Variants in CYP2C18 observed in about 807,000 individuals in gnomAD.
CYP2C18 encodes cytochrome P450 family 2 subfamily C member 18, also known as cytochrome P450 2C18.
A neutral mutation model predicts 41.3 loss-of-function variants in CYP2C18; 38 were observed. That is an observed-to-expected ratio of 0.92 (90% CI 0.71 to 1.21). The LOEUF (loss-of-function observed/expected upper bound fraction) is 1.21. Ranked by LOEUF, CYP2C18 falls within the 50% of genes most tolerant of loss-of-function variation. CYP2C18 has a pLI of 0.00. For synonymous variants in CYP2C18, 236 were observed against 210.0 expected, an observed-to-expected ratio of 1.12 and a Z score of -1.07; for missense variants, 635 against 591.4, an observed-to-expected ratio of 1.07 and a Z score of -0.77.
At chr10:94,705,749 G>T (rs1384392585) in intron 4 of CYP2C18, among the ~76,000 whole-genome samples, 1 of 152,138 alleles carries the variant, frequency 6.6e-6, no homozygotes, top group Non-Finnish European at 1.5e-5. Flanking sequence ...GAACACTACA[G>T]CTTGCCCATA....
rs142675584 is a variant in CYP2C18, at chr10:94,694,816, G to A, written c.482-101G>A. ...TGTTGATAAGAGAATTTCTAGGTAG[G>A]TATTGGTTTAGAGTTTCTAAAAATA... On this transcript the variant is annotated intron_variant, in intron 3 of 8. Transcript: ENST00000285979. 5 of 1,268,122 alleles carry A rather than the reference G, an allele frequency of 3.9e-6. No homozygotes were observed. The African/African-American group carries it at 7.7e-5, about 19-fold the overall frequency. 78.6% of individuals were successfully genotyped at this position (1,268,122 alleles called of 1,614,324 possible). A position where few individuals can be genotyped will look rare whatever the true frequency, so the allele number is the denominator to read the frequency against.
At chr10:94,719,919 C>T (rs898231932) in intron 5 of CYP2C18, among the ~76,000 whole-genome samples, 9 of 151,844 alleles carry the variant, frequency 5.9e-5, no homozygotes, top group Admixed American at 5.9e-4. Flanking sequence ...CACTTGTTGC[C>T]CAGGCTGGTG....
At chr10:94,693,537 C>G (rs1013914711) in intron 3 of CYP2C18, among the ~76,000 whole-genome samples, 1 of 152,134 alleles carries the variant, frequency 6.6e-6, no homozygotes, top group Non-Finnish European at 1.5e-5. Flanking sequence ...GACCAGAAAC[C>G]AGATTTTCAC....
chr10:94,710,921 T>G (rs1272704897), intron 5 of CYP2C18, among the ~76,000 whole-genome samples: 1 of 152,224 alleles, frequency 6.6e-6, no homozygotes, highest in Admixed American at 6.5e-5. Context: ...TGTTAATTAC[T>G]CCCTATAGTC....
chr10:94,688,651 T>C (rs1021154751), intron 3 of CYP2C18, among the ~76,000 whole-genome samples: 3 of 152,200 alleles, frequency 2.0e-5, no homozygotes, highest in African/African-American at 7.2e-5. Flanking sequence ...TTTGTGCACC[T>C]ATGCTTGTTG....
Position 94,735,771 on chromosome 10 carries a change from T to C in CYP2C18, c.*327T>C. ...TAATAAATGACAATTCAGAGCCATT[T>C]ATTCTCTGCATGCTCTAGATAAAAA... On this transcript the variant is annotated 3_prime_UTR_variant, in exon 9 of 9. Coordinates refer to ENST00000285979, the MANE Select transcript of CYP2C18 (RefSeq NM_000772.3). The C allele has an allele frequency of 3.9e-6, 1 of 255,316 alleles. No individual in the cohort carries two copies. The highest frequency in any genetic ancestry group is 7.5e-6 in the Non-Finnish European group (1 of 133,508). 15.8% of individuals were successfully genotyped at this position (255,316 alleles called of 1,614,324 possible).
At chr10:94,692,289 A>G (rs1215691383) in intron 3 of CYP2C18, among the ~76,000 whole-genome samples, 2 of 152,200 alleles carry the variant, frequency 1.3e-5, no homozygotes, top group African/African-American at 2.4e-5. Context: ...ACAAAGGGCT[A>G]ATATCCAGAA....
At chr10:94,730,151 T>C in intron 7 of CYP2C18, among the ~76,000 whole-genome samples, 1 of 152,268 alleles carries the variant, frequency 6.6e-6, no homozygotes. Flanking sequence ...TTTTCTATTT[T>C]AGCTATTTTT....
intron 1 of CYP2C18, among the ~76,000 whole-genome samples, chr10:94,685,267 C>G (rs1277860709): frequency 7.9e-5 from 12 of 152,112 alleles, no homozygotes; most frequent in Non-Finnish European, 4.4e-5. Context: ...CTCTTGGGCT[C>G]AAGCAATCCA....
At chr10:94,695,159 A>G (rs1847091718) in intron 4 of CYP2C18, 82 bp downstream of exon 4, 2 of 1,274,910 alleles carry the variant, frequency 1.6e-6, no homozygotes, top group Non-Finnish European at 2.2e-6. Flanking sequence ...TTTTAAAATT[A>G]TACTTTAAGT....
chr10:94,696,787 G>A (rs1331323155), intron 4 of CYP2C18, among the ~76,000 whole-genome samples: 2 of 152,110 alleles, frequency 1.3e-5, no homozygotes, highest in Non-Finnish European at 2.9e-5. Flanking sequence ...GTCCTTAAAG[G>A]ACCTGATGGA....
At chr10:94,708,603 A>T (rs1257413387) in intron 5 of CYP2C18, among the ~76,000 whole-genome samples, 1 of 152,190 alleles carries the variant, frequency 6.6e-6, no homozygotes, top group Admixed American at 6.5e-5. Flanking sequence ...TTTAATTCAC[A>T]TATTGTACCC....
chr10:94,722,338 A>G lies in CYP2C18; in HGVS notation c.961+1801A>G, dbSNP rs547047392. Among the ~76,000 whole-genome samples the G allele has an allele frequency of 1.7e-3, 252 of 152,076 alleles. 1 individual carries two copies. Among genetic ancestry groups the G allele is most frequent in the Non-Finnish European group, 2.6e-3 (180 of 67,992 alleles). ...TTTTCTTCAACTTTTATATTTATCT[A>G]TGAGCAGATTCTGGCTCTGCATAAC... On this transcript the variant is annotated intron_variant, in intron 6 of 8. Transcript: ENST00000285979.
At chr10:94,684,867 A>G (rs1846855432) in intron 1 of CYP2C18, among the ~76,000 whole-genome samples, 1 of 151,946 alleles carries the variant, frequency 6.6e-6, no homozygotes, top group African/African-American at 2.4e-5. Flanking sequence ...TATCTTTTTG[A>G]TAATAATAAT....
chr10:94,720,385 T>C lies in CYP2C18; in HGVS notation c.820-11T>C. On this transcript the variant is annotated splice_polypyrimidine_tract_variant and intron_variant, in intron 5 of 8. Transcript: ENST00000285979. ...ACTACCAAATAATTAAATTATGAAA[T>C]AATTTTTTAGGAAAAGCACAATCAA... 1.9e-6 allele frequency: 3 copies of C among 1,584,470 alleles called. No individual in the cohort carries two copies. The highest frequency in any genetic ancestry group is 1.8e-4 in the Middle Eastern group (1 of 5,494).
intron 3 of CYP2C18, among the ~76,000 whole-genome samples, chr10:94,690,107 T>A (rs1412071243): frequency 6.6e-6 from 1 of 152,148 alleles, no homozygotes; most frequent in Non-Finnish European, 1.5e-5. Flanking sequence ...TAATGAACTA[T>A]CTTTTCAAGG....
rs1474415462 is a variant in CYP2C18, at chr10:94,706,784, G to C, written c.643G>C (p.Val215Leu). 1 of 1,537,304 alleles carries C rather than the reference G, an allele frequency of 6.5e-7. No homozygotes were observed. The highest frequency in any genetic ancestry group is 8.9e-7 in the Non-Finnish European group (1 of 1,128,166). Residue 215 changes from valine to leucine, a missense_variant and splice_region_variant, in exon 5 of 9, where the codon GTC becomes CTC. Coordinates refer to ENST00000285979, the MANE Select transcript of CYP2C18 (RefSeq NM_000772.3). ...LRILSSPWIQ[V>L]CNNFPALIDY... ...TAATTAATTTTTAAAAATCTTTAAG[G>C]TCTGCAATAATTTCCCTGCTCTCAT... is the stretch of plus-strand genomic sequence containing the variant.
At chr10:94,696,170 G>A (rs1055115106) in intron 4 of CYP2C18, among the ~76,000 whole-genome samples, 6 of 152,170 alleles carry the variant, frequency 3.9e-5, no homozygotes, top group Admixed American at 6.5e-5. Context: ...ATCTGAGAAC[G>A]GACAGACTGC....
intron 4 of CYP2C18, among the ~76,000 whole-genome samples, chr10:94,696,191 G>T (rs1029954315): frequency 1.5e-4 from 23 of 152,148 alleles, no homozygotes; most frequent in South Asian, 2.1e-4. Flanking sequence ...GTCTTAAGTG[G>T]GTCCCTGACC....
Sources: allele counts gnomAD v4.1 joint callset (sites outside exome capture counted in the v4.1 genomes callset), GRCh38; gene constraint gnomAD v4.1.1; transcripts MANE v1.5; gene names NCBI Gene and HGNC (gene_info 2026-07-23, HGNC 2026-07-21).